The following MARCHF1 variants were observed in gnomAD, a reference collection of about 807,000 sequenced individuals.
MARCHF1 encodes E3 ubiquitin-protein ligase MARCHF1.
Under a neutral mutation model 54.2 loss-of-function variants are expected in MARCHF1, and 40 were observed. The observed-to-expected ratio is 0.74, with a 90% CI of 0.57 to 0.96. The LOEUF (loss-of-function observed/expected upper bound fraction) is 0.96. Among genes scored for constraint, MARCHF1 ranks in the 40% least tolerant of loss-of-function variants. The pLI, the probability that MARCHF1 is intolerant of heterozygous loss-of-function variation, is 0.00. For synonymous variants in MARCHF1, 236 were observed against 236.3 expected (o/e 1.00, Z 0.01); for missense variants, 586 against 656.5 (o/e 0.89, Z 1.17).
At chr4:164,191,025 G>C (rs1731109933) in intron 1 of MARCHF1, among the ~76,000 whole-genome samples, 1 of 152,126 alleles carries the variant, frequency 6.6e-6, no homozygotes, top group Non-Finnish European at 1.5e-5. Context: ...ATGGTCAGCT[G>C]ACCTCAGGAT....
intron 1 of MARCHF1, among the ~76,000 whole-genome samples, chr4:164,362,307 C>T (rs79898299): frequency 0.015 from 2,263 of 152,210 alleles, 76 homozygotes; most frequent in East Asian, 0.13. Context: ...AAATGTCCAA[C>T]TTTCTATTAC....
At chr4:163,633,186 C>T (rs373363283) in intron 5 of MARCHF1, among the ~76,000 whole-genome samples, 12 of 152,272 alleles carry the variant, frequency 7.9e-5, no homozygotes, top group South Asian at 2.1e-4. Flanking sequence ...AAAATCAGAG[C>T]GCCTCTCCTC....
In MARCHF1 at chr4:164,005,935, T is replaced by G. The variant is rs548183391; in HGVS notation, c.-247-17226A>C. Among the ~76,000 whole-genome samples the G allele has an allele frequency of 3.9e-5, 6 of 152,016 alleles. No homozygotes were observed. In the East Asian group the frequency reaches 9.8e-4, roughly 25 times the overall value. ...GAATCACCTAGAACCAAAAAGGAGA[T>G]AGTGACCAAGCAATAAAGATTTCCC... On this transcript the variant is annotated intron_variant, in intron 2 of 9. Coordinates refer to ENST00000514618, the MANE Select transcript of MARCHF1 (RefSeq NM_001394959.1).
intron 5 of MARCHF1, among the ~76,000 whole-genome samples, chr4:163,650,016 A>G (rs1317930986): frequency 6.6e-6 from 1 of 151,776 alleles, no homozygotes; most frequent in Non-Finnish European, 1.5e-5. Context: ...TTTAGGATGT[A>G]AGCTCTGATT....
chr4:163,999,876 T>C (rs961273209), intron 2 of MARCHF1, among the ~76,000 whole-genome samples: 5 of 151,740 alleles, frequency 3.3e-5, no homozygotes, highest in Non-Finnish European at 5.9e-5. Context: ...GTCCCACATA[T>C]AGTTAATGAC....
chr4:164,188,671 C>T, intron 1 of MARCHF1: 2 of 1,108,028 alleles, frequency 1.8e-6, no homozygotes, highest in South Asian at 1.2e-5. Flanking sequence ...CCAAGTGGCT[C>T]ATCGGCCGCA....
At chr4:164,160,863 A>G (rs535431741) in intron 1 of MARCHF1, among the ~76,000 whole-genome samples, 3 of 152,218 alleles carry the variant, frequency 2.0e-5, no homozygotes, top group Non-Finnish European at 4.4e-5. Context: ...GACAGACCAC[A>G]CAATTAGAAG....
chr4:163,654,217 T>C (rs1376298402), intron 5 of MARCHF1, among the ~76,000 whole-genome samples: 2 of 151,666 alleles, frequency 1.3e-5, no homozygotes, highest in Admixed American at 6.6e-5. Flanking sequence ...TGAAACATGA[T>C]GGTAGAAAGC....
At chr4:164,083,474 A>T (rs569479676) in intron 2 of MARCHF1, among the ~76,000 whole-genome samples, 1 of 152,126 alleles carries the variant, frequency 6.6e-6, no homozygotes, top group African/African-American at 2.4e-5. Context: ...GGAATTGGTA[A>T]CAAGGGCTTG....
intron 8 of MARCHF1, among the ~76,000 whole-genome samples, chr4:163,567,367 C>T (rs894586928): frequency 2.0e-5 from 3 of 152,154 alleles, no homozygotes; most frequent in Non-Finnish European, 4.4e-5. Flanking sequence ...CTACACAAAA[C>T]GCAGTCCTGC....
rs1465734651 is a variant in MARCHF1 at position 163,876,470 on chromosome 4, T to C, written c.-38-22301A>G. On this transcript the variant is annotated intron_variant, in intron 3 of 9. Coordinates refer to ENST00000514618, the MANE Select transcript of MARCHF1 (RefSeq NM_001394959.1). ...CAACTACTTCCACTACTGACTTAAT[T>C]CAGTCTTCAGCTCTAATTTGGATTA... Among the ~76,000 whole-genome samples the C allele has an allele frequency of 2.0e-5, 3 of 152,136 alleles. No individual in the cohort carries two copies. In the East Asian group the frequency reaches 5.8e-4, roughly 29 times the overall value.
At chr4:164,143,459 C>A (rs1027564575) in intron 1 of MARCHF1, among the ~76,000 whole-genome samples, 3 of 150,910 alleles carry the variant, frequency 2.0e-5, no homozygotes, top group African/African-American at 4.9e-5. Flanking sequence ...GCCCATCAGA[C>A]TAACAGCAGA....
chr4:164,380,072 TTTG>T (rs1378696455), intron 1 of MARCHF1, among the ~76,000 whole-genome samples: 1 of 151,610 alleles, frequency 6.6e-6, no homozygotes, highest in African/African-American at 2.4e-5. Flanking sequence ...ACTGAGTGAA[TTTG>T]TTGCCAGCAC....
At chr4:164,099,369 ATGTC>A (rs1351983455) in intron 2 of MARCHF1, among the ~76,000 whole-genome samples, 2 of 152,138 alleles carry the variant, frequency 1.3e-5, no homozygotes, top group East Asian at 3.8e-4. Context: ...GAAAAATACT[ATGTC>A]TGTCTATATA....
chr4:164,039,001 C>T (rs1168262454), intron 2 of MARCHF1, among the ~76,000 whole-genome samples: 3 of 152,008 alleles, frequency 2.0e-5, no homozygotes, highest in Admixed American at 6.6e-5. Context: ...AAGATAAACA[C>T]TTAAAGAAAA....
intron 4 of MARCHF1, among the ~76,000 whole-genome samples, chr4:163,736,356 A>G (rs570984641): frequency 1.3e-5 from 2 of 152,344 alleles, no homozygotes; most frequent in South Asian, 2.1e-4. Flanking sequence ...TGCATACACT[A>G]GGAAAAGTGA....
chr4:163,677,780 C>T (rs1232821779), intron 5 of MARCHF1, among the ~76,000 whole-genome samples: 1 of 152,202 alleles, frequency 6.6e-6, no homozygotes, highest in Non-Finnish European at 1.5e-5. Context: ...CAGCAGAGTG[C>T]TGGACACACA....
intron 2 of MARCHF1, among the ~76,000 whole-genome samples, chr4:164,083,395 T>C (rs1254700855): frequency 6.6e-6 from 1 of 152,110 alleles, no homozygotes; most frequent in Non-Finnish European, 1.5e-5. Flanking sequence ...TCACATGTTT[T>C]CTAAAGAAGC....
chr4:163,708,676 G>T (rs1183529133), intron 4 of MARCHF1, among the ~76,000 whole-genome samples: 1 of 152,104 alleles, frequency 6.6e-6, no homozygotes, highest in Non-Finnish European at 1.5e-5. Flanking sequence ...GCACATGTTT[G>T]TGTATAGACA....
Sources: gnomAD v4.1 joint callset for allele counts (sites outside exome capture counted in the v4.1 genomes callset) on GRCh38, gnomAD v4.1.1 for gene constraint, MANE v1.5 for transcripts, NCBI Gene and HGNC (gene_info 2026-07-23, HGNC 2026-07-21) for gene names.